RPRD1A: variants seen among roughly 807,000 people sequenced by gnomAD.
RPRD1A encodes the protein regulation of nuclear pre-mRNA domain containing 1A.
In RPRD1A, 9 loss-of-function variants were observed where a neutral mutation model predicts 37.8. The observed-to-expected ratio is 0.24, with a 90% confidence interval of 0.14 to 0.42. RPRD1A has a LOEUF of 0.42. Ranked by LOEUF, RPRD1A falls within the 10% of genes least tolerant of loss-of-function variation. The probability of loss-of-function intolerance (pLI) is 1.00; values close to 1 mark genes in which losing one functional copy is unlikely to be tolerated. For synonymous variants in RPRD1A, 138 were observed against 139.7 expected, an observed-to-expected ratio of 0.99 and a Z score of 0.08; for missense variants, 255 against 371.0, an observed-to-expected ratio of 0.69 and a Z score of 2.57.
chr18:36,055,749 G>A (rs1913719689), intron 1 of RPRD1A, among the ~76,000 whole-genome samples: 1 of 152,068 alleles, frequency 6.6e-6, no homozygotes, highest in Non-Finnish European at 1.5e-5. Flanking sequence ...TCTGAAACAG[G>A]GAAGAGTAAT....
At chr18:36,031,813 T>C (rs772841920) in intron 2 of RPRD1A, among the ~76,000 whole-genome samples, 4 of 152,210 alleles carry the variant, frequency 2.6e-5, no homozygotes, top group Non-Finnish European at 5.9e-5. Context: ...TATACAGCTC[T>C]TGATCCTCCA....
intron 1 of RPRD1A, among the ~76,000 whole-genome samples, chr18:36,055,214 G>A (rs1913676478): frequency 6.6e-6 from 1 of 152,218 alleles, no homozygotes; most frequent in African/African-American, 2.4e-5. Flanking sequence ...TGACAAAAAT[G>A]ATTTGCTAGA....
At chr18:36,019,232 C>T (rs903661158) in intron 6 of RPRD1A, among the ~76,000 whole-genome samples, 2 of 151,686 alleles carry the variant, frequency 1.3e-5, no homozygotes, top group Non-Finnish European at 2.9e-5. Flanking sequence ...CTCAGTCTCC[C>T]GAGCAGCCGG....
At chr18:36,062,089 G>A (rs1349939677) in intron 1 of RPRD1A, among the ~76,000 whole-genome samples, 2 of 151,146 alleles carry the variant, frequency 1.3e-5, no homozygotes, top group African/African-American at 2.4e-5. Flanking sequence ...AGGCCGAGGC[G>A]GGTGGATCAT....
At chr18:36,005,442 C>A (rs538666542) in intron 6 of RPRD1A, among the ~76,000 whole-genome samples, 1 of 152,098 alleles carries the variant, frequency 6.6e-6, no homozygotes, top group Admixed American at 6.5e-5. Context: ...TTCTATTTTT[C>A]AGTATTTTCC....
chr18:36,044,486 G>A (rs961368655), intron 1 of RPRD1A, among the ~76,000 whole-genome samples: 7 of 151,980 alleles, frequency 4.6e-5, no homozygotes, highest in Admixed American at 1.3e-4. Flanking sequence ...ACATGAGTTC[G>A]AGACCAGCCT....
chr18:36,038,253 C>T (rs1912337700), intron 1 of RPRD1A, among the ~76,000 whole-genome samples: 1 of 152,206 alleles, frequency 6.6e-6, no homozygotes, highest in Non-Finnish European at 1.5e-5. Context: ...AAAATGGTTT[C>T]CTGAGCCAGG....
chr18:35,998,223 G>A (rs1276882907), intron 6 of RPRD1A, among the ~76,000 whole-genome samples: 2 of 152,046 alleles, frequency 1.3e-5, no homozygotes, highest in Non-Finnish European at 2.9e-5. Context: ...GCTGGGTGTG[G>A]TGGCGGCACC....
intron 1 of RPRD1A, among the ~76,000 whole-genome samples, chr18:36,043,879 G>A (rs1023134726): frequency 6.6e-6 from 1 of 152,138 alleles, no homozygotes; most frequent in African/African-American, 2.4e-5. Flanking sequence ...CCAACGCCCT[G>A]TGCAGTAAAA....
intron 6 of RPRD1A, among the ~76,000 whole-genome samples, chr18:36,013,694 T>A (rs1458984790): frequency 6.6e-6 from 1 of 152,200 alleles, no homozygotes; most frequent in East Asian, 1.9e-4. Context: ...ATTTTTATCC[T>A]TTATTTTAAA....
chr18:36,058,522 C>CT (rs1202332086), intron 1 of RPRD1A, among the ~76,000 whole-genome samples: 2 of 152,054 alleles, frequency 1.3e-5, no homozygotes, highest in Non-Finnish European at 2.9e-5. Flanking sequence ...AAATCAACAA[C>CT]TTTTTTTAAA....
intron 1 of RPRD1A, 115 bp from the exon 2 acceptor site, chr18:36,033,952 A>T: frequency 1.2e-6 from 1 of 809,010 alleles, no homozygotes; most frequent in Admixed American, 2.9e-5. Flanking sequence ...ACCTTTATGT[A>T]TCATTTCAAC....
At position 36,001,750 on chromosome 18, in the gene RPRD1A, C is replaced by T. The variant is rs1481213347; in HGVS notation, c.790-8450G>A. ...ATTTTTGCTGAACACATACTACCAT[C>T]TTCCAGAGCTAACAGCTTATGTACC... is the stretch of plus-strand genomic sequence containing the variant. On this transcript the variant is annotated intron_variant, in intron 6 of 6. Transcript: ENST00000399022. Among the ~76,000 whole-genome samples the T allele has an allele frequency of 2.0e-5, 3 of 152,344 alleles. No homozygotes were observed. The East Asian group carries it at 5.8e-4, about 29-fold the overall frequency.
At chr18:36,030,614 C>A (rs1911707589) in intron 4 of RPRD1A, among the ~76,000 whole-genome samples, 194 bp downstream of exon 4, 1 of 152,040 alleles carries the variant, frequency 6.6e-6, no homozygotes, top group Admixed American at 6.6e-5. Flanking sequence ...GATTTCTATG[C>A]AAAATATACA....
intron 1 of RPRD1A, among the ~76,000 whole-genome samples, chr18:36,050,147 C>A (rs1302021945): frequency 6.6e-6 from 1 of 151,744 alleles, no homozygotes; most frequent in African/African-American, 2.4e-5. Flanking sequence ...GAAAAAAGTT[C>A]TGGAGATAAT....
intron 6 of RPRD1A, among the ~76,000 whole-genome samples, chr18:36,020,051 G>T (rs1185415499): frequency 6.6e-6 from 1 of 152,138 alleles, no homozygotes; most frequent in Non-Finnish European, 1.5e-5. Flanking sequence ...AAGAATGGAA[G>T]GGGAAGGAAA....
chr18:35,995,089 T>C (rs1908945599), intron 6 of RPRD1A, among the ~76,000 whole-genome samples: 1 of 152,092 alleles, frequency 6.6e-6, no homozygotes, highest in Non-Finnish European at 1.5e-5. Context: ...AAAAGAGCAG[T>C]AAAATAGTAG....
chr18:36,048,339 T>A (rs1372925329), intron 1 of RPRD1A, among the ~76,000 whole-genome samples: 1 of 152,178 alleles, frequency 6.6e-6, no homozygotes, highest in African/African-American at 2.4e-5. Context: ...GTGCTGGGAT[T>A]ACAGGCGTGA....
At chr18:36,001,107 C>T (rs1244431076) in intron 6 of RPRD1A, among the ~76,000 whole-genome samples, 1 of 152,058 alleles carries the variant, frequency 6.6e-6, no homozygotes. Flanking sequence ...ATATAGGCCC[C>T]GTGATAAATT....
Sources: gnomAD v4.1 joint callset for allele counts (sites outside exome capture counted in the v4.1 genomes callset) on GRCh38, gnomAD v4.1.1 for gene constraint, MANE v1.5 for transcripts, NCBI Gene and HGNC (gene_info 2026-07-23, HGNC 2026-07-21) for gene names.